The following BCAS3 variants were observed in gnomAD, a reference collection of about 807,000 sequenced individuals.
The protein encoded by BCAS3 is BCAS3 microtubule associated cell migration factor, also known as BCAS4/BCAS3 fusion.
BCAS3 carries 53 observed loss-of-function variants against 116.1 expected under a neutral mutation model. The observed-to-expected ratio is 0.46, with a 90% CI of 0.37 to 0.57. The LOEUF is 0.57. Among genes scored for constraint, BCAS3 ranks in the 20% least tolerant of loss-of-function variants. The pLI is 0.00. For synonymous variants in BCAS3, 391 were observed against 408.2 expected, an observed-to-expected ratio of 0.96 and a Z score of 0.51; for missense variants, 917 against 1,165.4, an observed-to-expected ratio of 0.79 and a Z score of 3.10.
chr17:60,686,222 A>AT (rs997241549), intron 3 of BCAS3, among the ~76,000 whole-genome samples: 14 of 151,894 alleles, frequency 9.2e-5, no homozygotes, highest in African/African-American at 2.7e-4. Context: ...GCTTTCTAAC[A>AT]TTTTTTTTCC....
chr17:60,965,226 ATTTTTTT>A (rs142254431), intron 14 of BCAS3, among the ~76,000 whole-genome samples: 4 of 131,558 alleles, frequency 3.0e-5, no homozygotes, highest in Non-Finnish European at 6.5e-5. Flanking sequence ...GGTATATTGA[ATTTTTTT>A]TTTTTTTTTT....
At chr17:61,191,752 G>A (rs2080135024) in intron 22 of BCAS3, among the ~76,000 whole-genome samples, 1 of 139,978 alleles carries the variant, frequency 7.1e-6, no homozygotes, top group South Asian at 2.1e-4. Context: ...TCCAGCCTGG[G>A]CAACAGAGTG....
chr17:61,192,261 A>AAAAAAAAAAAAAAAAAAAAAC (rs2080189113), intron 22 of BCAS3, among the ~76,000 whole-genome samples: 3 of 149,998 alleles, frequency 2.0e-5, no homozygotes, highest in African/African-American at 2.4e-5. Flanking sequence ...AAAAAAAAAA[A>AAAAAAAAAAAAAAAAAAAAAC]AGAAACATAG....
chr17:61,252,810 C>T (rs1244212293), intron 22 of BCAS3, among the ~76,000 whole-genome samples: 1 of 152,038 alleles, frequency 6.6e-6, no homozygotes, highest in African/African-American at 2.4e-5. Context: ...GCTTCTACCT[C>T]ACTGGGCTAA....
At position 61,019,173 on chromosome 17, in the gene BCAS3, C is replaced by T. The variant is rs567723688; in HGVS notation, c.1637+3272C>T. 4.6e-5 allele frequency among the ~76,000 whole-genome samples: 7 copies of T among 152,284 alleles called. No individual in the cohort carries two copies. Among genetic ancestry groups the T allele is most frequent in the South Asian group, 2.1e-4 (1 of 4,824 alleles). On this transcript the variant is annotated intron_variant, in intron 16 of 23. Transcript: ENST00000407086. The surrounding 1 kb of genome is among the most constrained non-coding windows in gnomAD (Gnocchi z 5.6). Reference sequence around the variant, plus strand: ...TGAACAACAGGCGAGTGAGCATCACCGCCTGAGCTCTGCCTCCTGTCAGAT... The same window carrying T: ...TGAACAACAGGCGAGTGAGCATCACTGCCTGAGCTCTGCCTCCTGTCAGAT...
At chr17:60,815,347 G>C (rs569723892) in intron 7 of BCAS3, among the ~76,000 whole-genome samples, 2 of 152,128 alleles carry the variant, frequency 1.3e-5, no homozygotes, top group African/African-American at 4.8e-5. Context: ...TAATATAAAT[G>C]ACGAGTTAAT....
At chr17:61,238,115 C>T (rs1417936106) in intron 22 of BCAS3, among the ~76,000 whole-genome samples, 1 of 152,144 alleles carries the variant, frequency 6.6e-6, no homozygotes, top group Non-Finnish European at 1.5e-5. Context: ...TACAGAGGCA[C>T]AATCTTGGCT....
intron 19 of BCAS3, among the ~76,000 whole-genome samples, chr17:61,046,964 G>A (rs1456038985): frequency 2.6e-5 from 4 of 151,902 alleles, no homozygotes; most frequent in African/African-American, 9.7e-5. Flanking sequence ...TTCCAGCCCA[G>A]TAATCATAAT....
chr17:61,345,228 C>T (rs376983723), intron 22 of BCAS3, among the ~76,000 whole-genome samples: 1 of 152,242 alleles, frequency 6.6e-6, no homozygotes, highest in South Asian at 2.1e-4. Context: ...CTCCTGCCTG[C>T]TCTCATCAGA....
Position 61,082,621 on chromosome 17 carries a change from TATCTAAGAGGCTAG to T in BCAS3, c.2328-1845_2328-1832del, listed in dbSNP as rs1179418336. On this transcript the variant is annotated intron_variant, in intron 21 of 23. Coordinates refer to ENST00000407086, the MANE Select transcript of BCAS3 (RefSeq NM_017679.5). This position sits in a 1 kb window ranked among gnomAD's most constrained non-coding sequence, Gnocchi z 5.1. ...GGCATAATTTTGAATGGACTGACCATATCTAAGAGGCTAGCTTTTTGTTGCTCTCAAGAACAAGG... is the reference window on the plus strand; with the variant it reads ...GGCATAATTTTGAATGGACTGACCATCTTTTTGTTGCTCTCAAGAACAAGG... 6.6e-6 allele frequency among the ~76,000 whole-genome samples: 1 copy of T among 152,206 alleles called. No individual in the cohort carries two copies. Among genetic ancestry groups the T allele is most frequent in the African/African-American group, 2.4e-5 (1 of 41,440 alleles).
At chr17:61,048,818 A>G (rs1000749878) in intron 19 of BCAS3, among the ~76,000 whole-genome samples, 1 of 152,016 alleles carries the variant, frequency 6.6e-6, no homozygotes, top group Non-Finnish European at 1.5e-5. Context: ...ACTGCAGCCT[A>G]GGAAACAACC....
At chr17:60,862,532 A>T (rs1230947123) in intron 7 of BCAS3, among the ~76,000 whole-genome samples, 1 of 152,068 alleles carries the variant, frequency 6.6e-6, no homozygotes, top group Non-Finnish European at 1.5e-5. Context: ...TTCCTGATTC[A>T]ATTTTGGGAG....
At position 61,038,708 on chromosome 17, in the gene BCAS3, G is replaced by C. The variant is rs1471092752; in HGVS notation, c.1928+654G>C. ...TTTTTGGAGACAGTCTCGCTCTGTT[G>C]CCCAGGCTGGAGGGCAGTGGCACGA... On this transcript the variant is annotated intron_variant, in intron 18 of 23. Coordinates refer to ENST00000407086, the MANE Select transcript of BCAS3 (RefSeq NM_017679.5). Among the ~76,000 whole-genome samples, 57 of 101,786 alleles carry C rather than the reference G, an allele frequency of 5.6e-4. 1 individual carries two copies. The highest frequency in any genetic ancestry group is 1.7e-3 in the African/African-American group (52 of 30,106). The allele number at this position is 101,786 out of a possible 152,430, so 66.8% of individuals were successfully genotyped here.
At chr17:60,851,520 C>A in intron 7 of BCAS3, 1 of 603,004 alleles carries the variant, frequency 1.7e-6, no homozygotes, top group South Asian at 1.6e-5. Context: ...GCATTGAAAC[C>A]ACCATCTGTA....
chr17:60,808,908 T>C (rs1006421726), intron 7 of BCAS3, among the ~76,000 whole-genome samples: 1 of 152,134 alleles, frequency 6.6e-6, no homozygotes, highest in African/African-American at 2.4e-5. Context: ...ATGGGAAATA[T>C]TGCAGCAGAT....
chr17:60,801,990 A>T (rs749607928), intron 6 of BCAS3, among the ~76,000 whole-genome samples: 1 of 151,960 alleles, frequency 6.6e-6, no homozygotes. Flanking sequence ...CTCTCTGGGA[A>T]ATTTTCTTAA....
At chr17:60,811,257 AG>A in intron 7 of BCAS3, 1 of 901,558 alleles carries the variant, frequency 1.1e-6, no homozygotes, top group Non-Finnish European at 1.7e-6. Context: ...GCCCAGGAGT[AG>A]GAGGCCCTGC....
intron 22 of BCAS3, among the ~76,000 whole-genome samples, chr17:61,216,304 C>G (rs978675955): frequency 6.6e-6 from 1 of 151,978 alleles, no homozygotes; most frequent in Non-Finnish European, 1.5e-5. Context: ...CACAAGATGC[C>G]CCTAGTGGGA....
intron 22 of BCAS3, among the ~76,000 whole-genome samples, chr17:61,297,510 A>G (rs9901213): frequency 0.022 from 3,352 of 152,226 alleles, 102 homozygotes; most frequent in African/African-American, 0.069. Context: ...CCCTCCTGTT[A>G]TTTCCAAAAT....
Sources: gnomAD v4.1 joint callset for allele counts (sites outside exome capture counted in the v4.1 genomes callset) on GRCh38, gnomAD v4.1.1 for gene constraint, Gnocchi (gnomAD v3.1) non-coding constraint, MANE v1.5 for transcripts, NCBI Gene and HGNC (gene_info 2026-07-23, HGNC 2026-07-21) for gene names.